PKHD1: variants seen among roughly 807,000 people sequenced by gnomAD.
The protein encoded by PKHD1 is fibrocystin.
A neutral mutation model predicts 412.0 loss-of-function variants in PKHD1; 291 were observed. That is an observed-to-expected ratio of 0.71 (90% CI 0.64 to 0.78). The LOEUF (loss-of-function observed/expected upper bound fraction) is 0.78. Among genes scored for constraint, PKHD1 ranks in the 30% least tolerant of loss-of-function variants. The probability of loss-of-function intolerance (pLI) is 0.00; values close to 1 mark genes in which losing one functional copy is unlikely to be tolerated. For missense variants in PKHD1, 4,825 were observed against 4,950.7 expected (o/e 0.97, Z 0.76); for synonymous variants, 1,777 against 1,821.5 (o/e 0.98, Z 0.62).
chr6:51,638,671 C>G (rs1433208759), intron 64 of PKHD1, among the ~76,000 whole-genome samples, 178 bp downstream of exon 64: 2 of 151,916 alleles, frequency 1.3e-5, no homozygotes, highest in Non-Finnish European at 2.9e-5. Context: ...CTGAGGTTTC[C>G]ATTTCTACAT....
rs191658448 is a variant in PKHD1 at position 51,814,747 on chromosome 6, G to T, written c.8302+16114C>A. ...GGAGGAGGGAGGAGGCAAGCTGTGT[G>T]GAGGAGCTTGAATGAAAGGCCACCG... On this transcript the variant is annotated intron_variant, in intron 52 of 66. Coordinates refer to ENST00000371117, the MANE Select transcript of PKHD1 (RefSeq NM_138694.4). Among the ~76,000 whole-genome samples the T allele has an allele frequency of 5.6e-4, 85 of 152,288 alleles. 1 individual carries two copies. The highest frequency in any genetic ancestry group is 2.0e-3 in the African/African-American group (83 of 41,566).
At chr6:52,071,441 G>C (rs1810596044) in intron 8 of PKHD1, among the ~76,000 whole-genome samples, 1 of 151,734 alleles carries the variant, frequency 6.6e-6, no homozygotes, top group Non-Finnish European at 1.5e-5. Flanking sequence ...GCAGACACAA[G>C]GAAGACTACA....
At chr6:51,815,572 A>G (rs998703361) in intron 52 of PKHD1, among the ~76,000 whole-genome samples, 2 of 152,112 alleles carry the variant, frequency 1.3e-5, no homozygotes, top group Non-Finnish European at 2.9e-5. Flanking sequence ...ATCCAAGAAG[A>G]ATGAGTAGAT....
chr6:52,005,460 T>C (rs1016806537), intron 35 of PKHD1, among the ~76,000 whole-genome samples: 10 of 152,242 alleles, frequency 6.6e-5, no homozygotes. Flanking sequence ...CTGTGGGTTC[T>C]AGCCTTGCTG....
intron 34 of PKHD1, among the ~76,000 whole-genome samples, chr6:52,016,357 G>A (rs567854100): frequency 9.9e-5 from 15 of 152,162 alleles, no homozygotes; most frequent in South Asian, 6.2e-4. Flanking sequence ...GAAAAGAGGC[G>A]GGGCACGGTG....
intron 43 of PKHD1, among the ~76,000 whole-genome samples, chr6:51,899,415 C>A (rs1356135787): frequency 1.3e-5 from 2 of 152,150 alleles, no homozygotes; most frequent in Non-Finnish European, 2.9e-5. Context: ...AAGACAAAAA[C>A]CACAGAATTA....
At chr6:51,827,437 G>A (rs1767496123) in intron 52 of PKHD1, among the ~76,000 whole-genome samples, 1 of 152,038 alleles carries the variant, frequency 6.6e-6, no homozygotes, top group South Asian at 2.1e-4. Flanking sequence ...GGTCAGAAAG[G>A]TTTACAGCTT....
At chr6:51,691,642 T>C (rs1245915875) in intron 60 of PKHD1, among the ~76,000 whole-genome samples, 2 of 151,940 alleles carry the variant, frequency 1.3e-5, no homozygotes, top group Non-Finnish European at 2.9e-5. Flanking sequence ...ACAACAGACA[T>C]TGGGGCCTTT....
rs571044884 is a variant in PKHD1, at chr6:51,753,970, TTTC to T, written c.8798-620_8798-618del. ...ATTTTACTGAAATCATTGCTGAAGATTTCTTTTTTCTTTGCCACTTACTAAAAA... is the reference window on the plus strand; with the variant it reads ...ATTTTACTGAAATCATTGCTGAAGATTTTTTTCTTTGCCACTTACTAAAAA... On this transcript the variant is annotated intron_variant, in intron 56 of 66. Coordinates refer to ENST00000371117, the MANE Select transcript of PKHD1 (RefSeq NM_138694.4). Among the ~76,000 whole-genome samples the T allele has an allele frequency of 9.6e-4, 146 of 152,312 alleles. 1 individual carries two copies. The highest frequency in any genetic ancestry group is 3.4e-3 in the African/African-American group (140 of 41,582).
At chr6:51,725,117 G>A (rs1284781096) in intron 60 of PKHD1, among the ~76,000 whole-genome samples, 2 of 152,170 alleles carry the variant, frequency 1.3e-5, no homozygotes, top group Non-Finnish European at 2.9e-5. Flanking sequence ...GAGTCAGGCT[G>A]CTGGAAAACA....
intron 36 of PKHD1, among the ~76,000 whole-genome samples, chr6:51,937,736 G>A (rs1787748666): frequency 6.6e-6 from 1 of 152,096 alleles, no homozygotes; most frequent in Non-Finnish European, 1.5e-5. Context: ...AAATGGGCAT[G>A]GTAAGAATTT....
At chr6:51,669,340 G>C (rs565170218) in intron 60 of PKHD1, among the ~76,000 whole-genome samples, 10 of 152,194 alleles carry the variant, frequency 6.6e-5, no homozygotes, top group Non-Finnish European at 1.5e-4. Context: ...GCATAGAGTT[G>C]TTTGTAGTAT....
At chr6:51,642,556 T>C (rs1324727676) in intron 63 of PKHD1, among the ~76,000 whole-genome samples, 3 of 152,006 alleles carry the variant, frequency 2.0e-5, no homozygotes, top group Non-Finnish European at 4.4e-5. Flanking sequence ...AAGTAAGGGA[T>C]GGGCTGGGCA....
In PKHD1 at chr6:51,791,349, T is replaced by C; in HGVS notation, c.8327A>G (p.Asp2776Gly). The C allele has an allele frequency of 6.2e-7, 1 of 1,613,584 alleles. No individual in the cohort carries two copies. The highest frequency in any genetic ancestry group is 1.1e-5 in the South Asian group (1 of 91,066). Residue 2776 changes from aspartate (D) to glycine (G), a missense_variant, in exon 53 of 67, where the codon GAT (aspartate) becomes GGT (glycine). Physicochemically the swap from Asp to Gly is moderately conservative, Grantham distance 94. Transcript: ENST00000371117. ...ATACAGCCCTTTGAAGAATGGAAGA[T>C]CTGTATCCACAAGGACAGTTCTGTC... ...LPNRTVLVDT[D>G]LPFFKGLYVM... is the part of the protein sequence containing the mutation.
chr6:52,058,550 C>G lies in PKHD1; in HGVS notation c.1285G>C (p.Glu429Gln), dbSNP rs372376237. The G allele has an allele frequency of 6.2e-7, 1 of 1,614,182 alleles. No individual in the cohort carries two copies. ...CAGGTCCCTTCATCCCTATTCTGCTCCCAGGAGTCAAACCAGTCAGCAGTG... is the reference window on the plus strand; with the variant it reads ...CAGGTCCCTTCATCCCTATTCTGCTGCCAGGAGTCAAACCAGTCAGCAGTG... ...VGTADWFDSW[E>Q]QNRDEGTWQQ... The change falls in exon 16 of 67, where the codon GAG (glutamate) becomes CAG (glutamine). Residue 429 changes from glutamate to glutamine, a missense_variant. Transcript: ENST00000371117.
chr6:51,832,615 G>A (rs1000378373), intron 51 of PKHD1, among the ~76,000 whole-genome samples: 1 of 151,908 alleles, frequency 6.6e-6, no homozygotes, highest in Non-Finnish European at 1.5e-5. Flanking sequence ...AGCAAGCAGT[G>A]GAAAAATATG....
At chr6:51,648,972 C>T in intron 62 of PKHD1, 113 bp downstream of exon 62, 1 of 1,019,732 alleles carries the variant, frequency 9.8e-7, no homozygotes, top group Non-Finnish European at 1.5e-6. Flanking sequence ...CAACAAATTG[C>T]ACCCAGTGGG....
At chr6:51,680,593 C>T (rs1471036066) in intron 60 of PKHD1, among the ~76,000 whole-genome samples, 1 of 151,864 alleles carries the variant, frequency 6.6e-6, no homozygotes, top group Non-Finnish European at 1.5e-5. Flanking sequence ...AAGTATTTTG[C>T]TTGTGTGACA....
At chr6:51,647,035 C>T (rs1164751408) in intron 63 of PKHD1, among the ~76,000 whole-genome samples, 3 of 152,184 alleles carry the variant, frequency 2.0e-5, no homozygotes, top group Non-Finnish European at 2.9e-5. Context: ...CTGGCTCCAG[C>T]ACCTGTCTCA....
Sources: gnomAD v4.1 joint callset for allele counts (sites outside exome capture counted in the v4.1 genomes callset) on GRCh38, gnomAD v4.1.1 for gene constraint, MANE v1.5 for transcripts, NCBI Gene and HGNC (gene_info 2026-07-23, HGNC 2026-07-21) for gene names.